The following VAV2 variants were observed in gnomAD, a reference collection of about 807,000 sequenced individuals.
VAV2 encodes guanine nucleotide exchange factor VAV2.
A neutral mutation model predicts 132.5 loss-of-function variants in VAV2; 67 were observed. The observed-to-expected ratio is 0.51, with a 90% CI of 0.42 to 0.62. The LOEUF (loss-of-function observed/expected upper bound fraction) is 0.62. Ranked by LOEUF, VAV2 falls within the 20% of genes least tolerant of loss-of-function variation. VAV2 has a pLI of 0.00. For synonymous variants in VAV2, 492 were observed against 443.5 expected (o/e 1.11, Z -1.37); for missense variants, 938 against 1,153.6 (o/e 0.81, Z 2.71).
intron 22 of VAV2, 69 bp downstream of exon 22, chr9:133,778,693 C>T: frequency 6.3e-7 from 1 of 1,582,376 alleles, no homozygotes; most frequent in Admixed American, 1.7e-5. Flanking sequence ...GGACTTTATG[C>T]TTCTGCCCCA....
At chr9:133,974,188 C>T (rs996580525) in intron 1 of VAV2, among the ~76,000 whole-genome samples, 1 of 152,174 alleles carries the variant, frequency 6.6e-6, no homozygotes, top group African/African-American at 2.4e-5. Context: ...TGGTATCTGC[C>T]TGTGTCCTCC....
intron 1 of VAV2, among the ~76,000 whole-genome samples, chr9:133,964,060 CATATATATAA>C (rs1564507786): frequency 9.1e-5 from 10 of 109,764 alleles, no homozygotes; most frequent in African/African-American, 3.7e-4. Flanking sequence ...CATATATATA[CATATATATAA>C]ATGAATAGGC....
At chr9:133,889,049 G>T (rs1470391653) in intron 2 of VAV2, among the ~76,000 whole-genome samples, 1 of 152,196 alleles carries the variant, frequency 6.6e-6, no homozygotes, top group Non-Finnish European at 1.5e-5. Context: ...TCTTTGCTGA[G>T]ATCAAGATGG....
At chr9:133,911,552 C>T (rs1332073465) in intron 2 of VAV2, among the ~76,000 whole-genome samples, 1 of 152,188 alleles carries the variant, frequency 6.6e-6, no homozygotes, top group African/African-American at 2.4e-5. Flanking sequence ...AGACGGTGAA[C>T]ATATTCACCG....
chr9:133,887,617 C>T (rs1429897738), intron 2 of VAV2, among the ~76,000 whole-genome samples: 2 of 152,070 alleles, frequency 1.3e-5, no homozygotes, highest in South Asian at 2.1e-4. Flanking sequence ...TCCCTGGGGA[C>T]ACCACGGACT....
At chr9:133,877,327 A>G (rs1056275658) in intron 2 of VAV2, among the ~76,000 whole-genome samples, 1 of 152,210 alleles carries the variant, frequency 6.6e-6, no homozygotes, top group Non-Finnish European at 1.5e-5. Context: ...CACCCCAGAC[A>G]CACAGCAATC....
intron 2 of VAV2, among the ~76,000 whole-genome samples, chr9:133,907,843 C>T (rs1205045787): frequency 1.3e-5 from 2 of 151,274 alleles, no homozygotes; most frequent in African/African-American, 4.9e-5. Context: ...GAGCCGGGGG[C>T]GCCCCTCCCA....
At chr9:133,947,331 G>A (rs1367589123) in intron 1 of VAV2, among the ~76,000 whole-genome samples, 2 of 152,134 alleles carry the variant, frequency 1.3e-5, no homozygotes, top group African/African-American at 4.8e-5. Flanking sequence ...ACTCTAGCAG[G>A]GGGCGGGGGT....
intron 1 of VAV2, among the ~76,000 whole-genome samples, chr9:133,940,493 G>A (rs1243050634): frequency 6.6e-6 from 1 of 152,106 alleles, no homozygotes; most frequent in African/African-American, 2.4e-5. Flanking sequence ...CCCTGGGAGC[G>A]GAGGGTCCCC....
intron 1 of VAV2, among the ~76,000 whole-genome samples, chr9:133,966,984 A>G (rs1420379232): frequency 6.7e-6 from 1 of 149,960 alleles, no homozygotes; most frequent in Non-Finnish European, 1.5e-5. Context: ...GCAGTAAGCC[A>G]AGATTGCACC....
chr9:133,937,989 C>T (rs996658525), intron 2 of VAV2, among the ~76,000 whole-genome samples: 1 of 152,238 alleles, frequency 6.6e-6, no homozygotes, highest in East Asian at 1.9e-4. Context: ...CGGGATCGCC[C>T]TTGTTCCAGG....
At chr9:133,874,279 C>T (rs972346685) in intron 2 of VAV2, among the ~76,000 whole-genome samples, 1 of 152,242 alleles carries the variant, frequency 6.6e-6, no homozygotes, top group East Asian at 1.9e-4. Flanking sequence ...TCACTGTCTG[C>T]GAATGCTGCT....
chr9:133,830,435 C>A (rs1284157055), intron 4 of VAV2, among the ~76,000 whole-genome samples: 1 of 152,146 alleles, frequency 6.6e-6, no homozygotes, highest in East Asian at 1.9e-4. Context: ...ATCGCTCATA[C>A]CATTCTCATG....
chr9:133,771,411 C>T (rs897031173), intron 26 of VAV2, among the ~76,000 whole-genome samples: 126 of 152,198 alleles, frequency 8.3e-4, no homozygotes, highest in African/African-American at 2.9e-3. Context: ...GTGGCCATAG[C>T]GGGGAAGCTA....
At chr9:133,771,718 C>T (rs1193456236) in intron 26 of VAV2, among the ~76,000 whole-genome samples, 1 of 152,166 alleles carries the variant, frequency 6.6e-6, no homozygotes, top group Non-Finnish European at 1.5e-5. Context: ...CCCTACCCCA[C>T]CCCTGCACTG....
At chr9:133,859,240 C>T (rs1281667610) in intron 3 of VAV2, among the ~76,000 whole-genome samples, 1 of 152,236 alleles carries the variant, frequency 6.6e-6, no homozygotes, top group East Asian at 1.9e-4. Flanking sequence ...AATGGGCTCC[C>T]GTTGCCACCT....
At chr9:133,957,905 C>G (rs915175252) in intron 1 of VAV2, among the ~76,000 whole-genome samples, 6 of 150,898 alleles carry the variant, frequency 4.0e-5, no homozygotes, top group African/African-American at 7.3e-5. Context: ...GACCTTACCC[C>G]CAACCCCGTG....
In VAV2 at chr9:133,769,573, T is replaced by C; in HGVS notation, c.2348-70A>G. On this transcript the variant is annotated intron_variant, in intron 27 of 29. Transcript: ENST00000371850. This position sits in a 1 kb window ranked among gnomAD's most constrained non-coding sequence, Gnocchi z 8.1. Reference sequence around the variant, plus strand: ...CACGCACAGTCACGGTGGGCACAGCTACAGGCCGGGGGGCATGGGGTGGGG... The same window carrying C: ...CACGCACAGTCACGGTGGGCACAGCCACAGGCCGGGGGGCATGGGGTGGGG... 4 of 1,487,632 alleles carry C rather than the reference T, an allele frequency of 2.7e-6. No individual in the cohort carries two copies. The highest frequency in any genetic ancestry group is 1.7e-4 in the Middle Eastern group (1 of 5,730). The allele number at this position is 1,487,632 out of a possible 1,614,324, so 92.2% of individuals were successfully genotyped here.
At position 133,789,456 on chromosome 9, in the gene VAV2, G is replaced by A. The variant is rs559675118; in HGVS notation, c.1189-113C>T. 3.8e-4 allele frequency: 386 copies of A among 1,005,960 alleles called. No homozygotes were observed. The African/African-American group carries it at 5.3e-3, about 14-fold the overall frequency. 62.3% of individuals were successfully genotyped at this position (1,005,960 alleles called of 1,614,324 possible). On this transcript the variant is annotated intron_variant, in intron 13 of 29. Coordinates refer to ENST00000371850, the MANE Select transcript of VAV2 (RefSeq NM_001134398.2). ...AAGGGAACTCCCCACAGGCAGCAGA[G>A]GCGGGACGAAGGGAAACAGCCCCTG...
Sources: gnomAD v4.1 joint callset for allele counts (sites outside exome capture counted in the v4.1 genomes callset) on GRCh38, gnomAD v4.1.1 for gene constraint, Gnocchi (gnomAD v3.1) non-coding constraint, MANE v1.5 for transcripts, NCBI Gene and HGNC (gene_info 2026-07-23, HGNC 2026-07-21) for gene names.